Variants in SLC26A5 observed in about 807,000 individuals in gnomAD.
The protein encoded by SLC26A5 is solute carrier family 26 member 5.
A neutral mutation model predicts 81.0 loss-of-function variants in SLC26A5; 51 were observed. The observed-to-expected ratio is 0.63, with a 90% CI of 0.50 to 0.80. SLC26A5 has a LOEUF of 0.80. Among genes scored for constraint, SLC26A5 ranks in the 30% least tolerant of loss-of-function variants. The pLI is 0.00. For missense variants in SLC26A5, 771 were observed against 905.8 expected (o/e 0.85, Z 1.91); for synonymous variants, 325 against 332.8 (o/e 0.98, Z 0.25).
rs773502466 is a variant in SLC26A5, at chr7:103,361,909, A to G, written c.2042-8983T>C. 1.9e-6 allele frequency: 3 copies of G among 1,551,946 alleles called. No homozygotes were observed. The Admixed American group carries it at 6.1e-5, about 32-fold the overall frequency. On this transcript the variant is annotated intron_variant, in intron 19 of 19. Coordinates refer to the SLC26A5 transcript ENST00000339444. Reference sequence around the variant, plus strand: ...TATAATCTAGTTAGTTGAATTCATTATTAGTGGCTTAGGTTCCTTATTCTA... The same window carrying G: ...TATAATCTAGTTAGTTGAATTCATTGTTAGTGGCTTAGGTTCCTTATTCTA...
At chr7:103,373,239 T>C (rs1821130523), downstream of SLC26A5, among the ~76,000 whole-genome samples, 2 of 152,220 alleles carry the variant, frequency 1.3e-5, no homozygotes, top group South Asian at 4.1e-4. Context: ...TCTAACTGGA[T>C]GATCAGACTG....
rs1161104056 is a variant in SLC26A5, at chr7:103,436,733, C to A, written c.-54+6350G>T. ...CAATAAATGGTGCTGGGAAAACTGG[C>A]TATCCACATGCAGAAGAGTGAAATT... On this transcript the variant is annotated intron_variant, in intron 2 of 19. Transcript: ENST00000306312. 3.3e-5 allele frequency among the ~76,000 whole-genome samples: 5 copies of A among 152,150 alleles called. No homozygotes were observed. The East Asian group carries it at 9.6e-4, about 29-fold the overall frequency.
intron 2 of SLC26A5, among the ~76,000 whole-genome samples, chr7:103,422,361 T>C (rs1377515392): frequency 6.6e-6 from 1 of 152,210 alleles, no homozygotes; most frequent in East Asian, 1.9e-4. Flanking sequence ...TATGTAGTAA[T>C]TAAAAGAAAT....
intron 2 of SLC26A5, chr7:103,435,077 T>C (rs1042290989): frequency 2.0e-5 from 3 of 152,268 alleles, no homozygotes; most frequent in Admixed American, 1.3e-4. Context: ...TAAACACCAC[T>C]GGACTTGGAC....
chr7:103,378,887 G>A (rs755774231), intron 16 of SLC26A5, among the ~76,000 whole-genome samples: 2 of 152,100 alleles, frequency 1.3e-5, no homozygotes, highest in Non-Finnish European at 2.9e-5. Context: ...GTGGTGTAGG[G>A]TTGAGTTCTA....
At position 103,423,099 on chromosome 7, in the gene SLC26A5, TAA is replaced by T. The variant is rs564122483; in HGVS notation, c.-53-1534_-53-1533del. ...CAACATGGAGAAAACCTGCCTCTAC[TAA>T]AAAAAAAAAAAAAAAAAAAAATTAG... On this transcript the variant is annotated intron_variant, in intron 2 of 19. Transcript: ENST00000306312. 4.6e-4 allele frequency among the ~76,000 whole-genome samples: 40 copies of T among 87,798 alleles called. 1 individual carries two copies. Among genetic ancestry groups the T allele is most frequent in the South Asian group, 1.1e-3 (3 of 2,782 alleles). 57.6% of individuals were successfully genotyped at this position (87,798 alleles called of 152,430 possible).
intron 8 of SLC26A5, among the ~76,000 whole-genome samples, chr7:103,403,238 CTGTT>C (rs1368941915): frequency 2.6e-5 from 4 of 152,138 alleles, no homozygotes; most frequent in Admixed American, 6.6e-5. Context: ...GTCTGACAGA[CTGTT>C]TGTTATGATT....
At chr7:103,381,294 A>G (rs2116385833) in intron 14 of SLC26A5, among the ~76,000 whole-genome samples, 1 of 151,556 alleles carries the variant, frequency 6.6e-6, no homozygotes, top group East Asian at 1.9e-4. Flanking sequence ...CATACACAAT[A>G]CACACATCTA....
intron 19 of SLC26A5, chr7:103,361,818 A>C: frequency 1.3e-6 from 1 of 776,730 alleles, no homozygotes; most frequent in Non-Finnish European, 1.9e-6. Context: ...GGGTATAGAA[A>C]AGGATCTTTA....
chr7:103,421,282 C>G, intron 3 of SLC26A5, 81 bp downstream of exon 3: 3 of 1,493,382 alleles, frequency 2.0e-6, no homozygotes, highest in Non-Finnish European at 1.8e-6. Context: ...CTTCACCAAA[C>G]AGATTTTCTT....
chr7:103,391,639 T>C lies in SLC26A5; in HGVS notation c.1216A>G (p.Thr406Ala). The C allele has an allele frequency of 6.2e-7, 1 of 1,614,060 alleles. No individual in the cohort carries two copies. The highest frequency in any genetic ancestry group is 8.5e-7 in the Non-Finnish European group (1 of 1,179,968). Residue 406 changes from threonine to alanine, a missense_variant, in exon 11 of 20, where the codon ACC becomes GCC. Coordinates refer to ENST00000306312, the MANE Select transcript of SLC26A5 (RefSeq NM_198999.3). ...GTACATACCTGTGTCTTCCCACCGG[T>C]TCCCTCCTGAACAAGGCTTCGAGAC... ...SLSRSLVQEG[T>A]GGKTQLAGCL...
chr7:103,388,274 G>A (rs1414090845), intron 14 of SLC26A5, among the ~76,000 whole-genome samples: 1 of 141,814 alleles, frequency 7.1e-6, no homozygotes, highest in African/African-American at 2.7e-5. Context: ...TTGGCTTACT[G>A]CAACCTCCAC....
At chr7:103,437,392 A>T (rs1826526343) in intron 2 of SLC26A5, among the ~76,000 whole-genome samples, 1 of 152,242 alleles carries the variant, frequency 6.6e-6, no homozygotes, top group Non-Finnish European at 1.5e-5. Context: ...AGAAAACTGA[A>T]AATAGAACTA....
intron 9 of SLC26A5, among the ~76,000 whole-genome samples, chr7:103,393,920 C>G (rs1467684514): frequency 6.6e-6 from 1 of 152,062 alleles, no homozygotes; most frequent in African/African-American, 2.4e-5. Context: ...CAATAACAAG[C>G]ATTTATTATA....
chr7:103,423,948 G>C lies in SLC26A5; in HGVS notation c.-53-2381C>G, dbSNP rs139632703. On this transcript the variant is annotated intron_variant, in intron 2 of 19. Transcript: ENST00000306312. Reference sequence around the variant, plus strand: ...CATCTAGCTCTTTAGGGCCACTCTAGGAACTCATCAAAATACAAGAATGAC... The same window carrying C: ...CATCTAGCTCTTTAGGGCCACTCTACGAACTCATCAAAATACAAGAATGAC... Among the ~76,000 whole-genome samples the C allele has an allele frequency of 1.0e-3, 155 of 152,268 alleles. 1 individual carries two copies. The highest frequency in any genetic ancestry group is 3.4e-3 in the African/African-American group (140 of 41,556).
chr7:103,354,513 C>T (rs372152575), intron 19 of SLC26A5, among the ~76,000 whole-genome samples: 2 of 151,942 alleles, frequency 1.3e-5, no homozygotes, highest in South Asian at 2.1e-4. Context: ...GGATTATGAG[C>T]GCCCACCACC....
chr7:103,421,309 C>T lies in SLC26A5; in HGVS notation c.152+54G>A, dbSNP rs572948160. 67 of 1,588,366 alleles carry T rather than the reference C, an allele frequency of 4.2e-5. No homozygotes were observed. The African/African-American group carries it at 5.5e-4, about 13-fold the overall frequency. ...GATTTTCTTTACACATTTGACCTTG[C>T]GCCTCTCATAACTGAATGATACAAT... On this transcript the variant is annotated intron_variant, in intron 3 of 19. Coordinates refer to ENST00000306312, the MANE Select transcript of SLC26A5 (RefSeq NM_198999.3).
chr7:103,432,340 G>C (rs992339771), intron 2 of SLC26A5, among the ~76,000 whole-genome samples: 2 of 151,878 alleles, frequency 1.3e-5, no homozygotes, highest in Non-Finnish European at 2.9e-5. Context: ...TTTCCTTCTG[G>C]AATTTCTATT....
In SLC26A5 at chr7:103,443,119, G is replaced by C. The variant is rs1230358479; in HGVS notation, c.-90C>G. On this transcript the variant is annotated 5_prime_UTR_variant, in exon 2 of 20. Transcript: ENST00000306312. ...GTGCAGCACAAAAGTCGGGACAGGG[G>C]ACAAGATCCCCCGCTGGGAGCTCCA... The C allele has an allele frequency of 6.6e-6, 1 of 152,234 alleles. No individual in the cohort carries two copies. The highest frequency in any genetic ancestry group is 1.5e-5 in the Non-Finnish European group (1 of 68,094). The allele number at this position is 152,234 out of a possible 1,614,324, so 9.4% of individuals were successfully genotyped here. A position where few individuals can be genotyped will look rare whatever the true frequency, so the allele number is the denominator to read the frequency against.
Sources: allele counts gnomAD v4.1 joint callset (sites outside exome capture counted in the v4.1 genomes callset), GRCh38; gene constraint gnomAD v4.1.1; transcripts MANE v1.5; gene names NCBI Gene and HGNC (gene_info 2026-07-23, HGNC 2026-07-21).